SUSD4: variants seen among roughly 807,000 people sequenced by gnomAD.
SUSD4 encodes the protein sushi domain-containing protein 4.
Under a neutral mutation model 50.5 loss-of-function variants are expected in SUSD4, and 41 were observed. The observed-to-expected ratio is 0.81, with a 90% CI of 0.63 to 1.05. The LOEUF is 1.05. SUSD4 is among the 50% of genes least tolerant of loss of function. The probability of loss-of-function intolerance (pLI) is 0.00; values close to 1 mark genes in which losing one functional copy is unlikely to be tolerated. For synonymous variants in SUSD4, 257 were observed against 257.3 expected, an observed-to-expected ratio of 1.00 and a Z score of 0.01; for missense variants, 580 against 634.7, an observed-to-expected ratio of 0.91 and a Z score of 0.93.
At chr1:223,317,851 C>CTTTTTTTTTTTTTTTTTTT (rs1172641015) in intron 2 of SUSD4, among the ~76,000 whole-genome samples, 176 of 100,682 alleles carry the variant, frequency 1.7e-3, no homozygotes, top group East Asian at 3.2e-3. Flanking sequence ...TTTTTTTTTT[C>CTTTTTTTTTTTTTTTTTTT]TTTTTTTTTT....
chr1:223,275,434 G>A (rs1242475857), intron 3 of SUSD4, among the ~76,000 whole-genome samples: 1 of 152,152 alleles, frequency 6.6e-6, no homozygotes, highest in African/African-American at 2.4e-5. Flanking sequence ...TCAACAACAA[G>A]GAAGTGACAG....
At chr1:223,280,748 C>T (rs1238425419) in intron 3 of SUSD4, among the ~76,000 whole-genome samples, 1 of 152,128 alleles carries the variant, frequency 6.6e-6, no homozygotes, top group African/African-American at 2.4e-5. Context: ...TAATAGGCAT[C>T]TACAGAACTC....
In SUSD4 at chr1:223,230,336, C is replaced by T. The variant is rs186472979; in HGVS notation, c.725-948G>A. Among the ~76,000 whole-genome samples, 517 of 151,880 alleles carry T rather than the reference C, an allele frequency of 3.4e-3. 5 individuals are homozygous for T. The highest frequency in any genetic ancestry group is 0.012 in the African/African-American group (485 of 41,404). On this transcript the variant is annotated intron_variant, in intron 5 of 8. Coordinates refer to ENST00000366878, the MANE Select transcript of SUSD4 (RefSeq NM_017982.4). ...TCAAGAAACAGTCAAACCACAGATT[C>T]TATCAGTGCCAACTTCAAACCCACA...
chr1:223,226,642 C>T (rs1659538550), intron 7 of SUSD4, among the ~76,000 whole-genome samples: 1 of 152,230 alleles, frequency 6.6e-6, no homozygotes, highest in Non-Finnish European at 1.5e-5. Flanking sequence ...GCCTCCTCCT[C>T]CATGAGCAAT....
chr1:223,280,413 CA>C lies in SUSD4; in HGVS notation c.362-11739del, dbSNP rs138661681. Among the ~76,000 whole-genome samples the C allele has an allele frequency of 9.7e-4, 146 of 151,110 alleles. 2 individuals carry two copies. The highest frequency in any genetic ancestry group is 5.9e-5 in the Non-Finnish European group (4 of 67,820). On this transcript the variant is annotated intron_variant, in intron 3 of 8. Coordinates refer to ENST00000366878, the MANE Select transcript of SUSD4 (RefSeq NM_017982.4). ...GAAGATCTACCAAGCGAATGGAAAA[CA>C]AAAAAAGGCAGGGGTTGCAATCCTG...
At chr1:223,269,238 G>T (rs971761314) in intron 3 of SUSD4, among the ~76,000 whole-genome samples, 3 of 152,162 alleles carry the variant, frequency 2.0e-5, no homozygotes, top group African/African-American at 7.2e-5. Flanking sequence ...AGAGATAACA[G>T]ATAGAGCAGC....
At chr1:223,297,767 C>A (rs1266403809) in intron 2 of SUSD4, among the ~76,000 whole-genome samples, 1 of 152,194 alleles carries the variant, frequency 6.6e-6, no homozygotes, top group African/African-American at 2.4e-5. Flanking sequence ...CTGTGAACTC[C>A]TGGAGGGAAA....
At chr1:223,351,976 G>GT (rs1416647285) in intron 2 of SUSD4, among the ~76,000 whole-genome samples, 1 of 151,726 alleles carries the variant, frequency 6.6e-6, no homozygotes, top group Non-Finnish European at 1.5e-5. Flanking sequence ...AAAACGCCAA[G>GT]TATTAGAAGA....
rs59885860 is a variant in SUSD4, at chr1:223,268,013, T to TTATATATATATATATATATA, written c.535+469_535+488dup. ...AATTTTTCTGCTCTTCATGCATTTT[T>TTATATATATATATATATATA]TATATATATATATATATATATATAT... On this transcript the variant is annotated intron_variant, in intron 4 of 8. Transcript: ENST00000366878. Among the ~76,000 whole-genome samples, 78 of 53,282 alleles carry TTATATATATATATATATATA rather than the reference T, an allele frequency of 1.5e-3. 2 individuals are homozygous for TTATATATATATATATATATA. Among genetic ancestry groups the TTATATATATATATATATATA allele is most frequent in the Middle Eastern group, 0.015 (1 of 68 alleles). 35.0% of individuals were successfully genotyped at this position (53,282 alleles called of 152,430 possible).
chr1:223,224,714 T>A (rs1431405108), intron 7 of SUSD4, among the ~76,000 whole-genome samples: 3 of 152,096 alleles, frequency 2.0e-5, no homozygotes, highest in East Asian at 1.9e-4. Flanking sequence ...CCTTTGCTTC[T>A]CAGCCCTCTG....
At chr1:223,256,495 C>A (rs905340012) in intron 5 of SUSD4, among the ~76,000 whole-genome samples, 8 of 152,146 alleles carry the variant, frequency 5.3e-5, no homozygotes, top group Admixed American at 6.5e-5. Context: ...CCTTTCCTGC[C>A]GCTCTCCTCC....
rs539865540 is a variant in SUSD4 at position 223,313,821 on chromosome 1, C to T, written c.149-21170G>A. On this transcript the variant is annotated intron_variant, in intron 2 of 8. Coordinates refer to ENST00000366878, the MANE Select transcript of SUSD4 (RefSeq NM_017982.4). Reference sequence around the variant, plus strand: ...ACACTAATTATAAGGCATTAATTAGCATGCTAAAAGACACTCCTGCCAGCA... The same window carrying T: ...ACACTAATTATAAGGCATTAATTAGTATGCTAAAAGACACTCCTGCCAGCA... Among the ~76,000 whole-genome samples the T allele has an allele frequency of 7.0e-4, 106 of 152,256 alleles. No individual in the cohort carries two copies. In the South Asian group the frequency reaches 0.022, roughly 31 times the overall value.
chr1:223,264,865 T>G (rs770261103), intron 4 of SUSD4, 47 bp from the exon 5 acceptor site: 2 of 1,580,952 alleles, frequency 1.3e-6, no homozygotes, highest in South Asian at 2.3e-5. Context: ...CTGTCATCTC[T>G]GTACATCGAA....
At chr1:223,256,559 ACT>A (rs1188867005) in intron 5 of SUSD4, among the ~76,000 whole-genome samples, 1 of 151,874 alleles carries the variant, frequency 6.6e-6, no homozygotes, top group Non-Finnish European at 1.5e-5. Context: ...TTTCAGGAAA[ACT>A]CTGTTAGCCA....
At chr1:223,343,853 T>C (rs1436828868) in intron 2 of SUSD4, among the ~76,000 whole-genome samples, 1 of 152,198 alleles carries the variant, frequency 6.6e-6, no homozygotes, top group African/African-American at 2.4e-5. Context: ...TTCCCTTTCC[T>C]TATCTTCTCC....
intron 3 of SUSD4, among the ~76,000 whole-genome samples, chr1:223,284,678 A>T (rs1241582797): frequency 2.0e-5 from 3 of 152,196 alleles, no homozygotes; most frequent in Non-Finnish European, 4.4e-5. Flanking sequence ...ATTCATCCAT[A>T]AAAAAGGATA....
chr1:223,241,489 C>T (rs991306197), intron 5 of SUSD4, among the ~76,000 whole-genome samples: 7 of 152,216 alleles, frequency 4.6e-5, no homozygotes, highest in African/African-American at 1.7e-4. Flanking sequence ...TAAGCCGTGA[C>T]TCTCTTTACT....
chr1:223,229,206 T>C lies in SUSD4; in HGVS notation c.907A>G (p.Ile303Val), dbSNP rs1202237482. 2 of 1,601,006 alleles carry C rather than the reference T, an allele frequency of 1.2e-6. No homozygotes were observed. Among genetic ancestry groups the C allele is most frequent in the South Asian group, 1.1e-5 (1 of 90,738 alleles). ...EWFPSYQVYCIKSEQTWPSTH... is the reference protein window; with the variant it reads ...EWFPSYQVYCVKSEQTWPSTH... ...AGGCCTTCAGTCTTACCTGATTTGA[T>C]GCAGTAGACTTGATAAGAAGGAAAC... Residue 303 changes from isoleucine (I) to valine (V), a missense_variant, in exon 6 of 9, where the codon ATC (isoleucine) becomes GTC (valine). By Grantham distance (29) the Ile-to-Val change is conservative (BLOSUM62 3). Transcript: ENST00000366878. This position sits in a 1 kb window ranked among gnomAD's most constrained non-coding sequence, Gnocchi z 4.7.
chr1:223,357,031 C>T (rs1408068618), intron 2 of SUSD4, among the ~76,000 whole-genome samples: 1 of 152,176 alleles, frequency 6.6e-6, no homozygotes, highest in Non-Finnish European at 1.5e-5. Context: ...ACGGCAGTGA[C>T]AGTCACTAGC....
Sources: gnomAD v4.1 joint callset for allele counts (sites outside exome capture counted in the v4.1 genomes callset) on GRCh38, gnomAD v4.1.1 for gene constraint, Gnocchi (gnomAD v3.1) non-coding constraint, MANE v1.5 for transcripts, NCBI Gene and HGNC (gene_info 2026-07-23, HGNC 2026-07-21) for gene names.